The following MCTP1 variants were observed in gnomAD, a reference collection of about 807,000 sequenced individuals.
MCTP1 encodes the protein multiple C2 and transmembrane domain containing 1, also known as multiple C2 and transmembrane domain-containing protein 1.
Under a neutral mutation model 120.6 loss-of-function variants are expected in MCTP1, and 69 were observed. That is an observed-to-expected ratio of 0.57 (90% CI 0.47 to 0.70). The LOEUF is 0.70. Among genes scored for constraint, MCTP1 ranks in the 30% least tolerant of loss-of-function variants. The pLI is 0.00. For missense variants in MCTP1, 1,203 were observed against 1,248.8 expected (o/e 0.96, Z 0.55); for synonymous variants, 529 against 493.1 (o/e 1.07, Z -0.96).
chr5:95,053,590 A>G (rs1746580902), intron 1 of MCTP1, among the ~76,000 whole-genome samples: 1 of 152,214 alleles, frequency 6.6e-6, no homozygotes, highest in Non-Finnish European at 1.5e-5. Flanking sequence ...CAAAGCTCCA[A>G]TCTATATTAT....
chr5:94,920,749 AT>A (rs1216560989), intron 7 of MCTP1, among the ~76,000 whole-genome samples: 2 of 146,332 alleles, frequency 1.4e-5, no homozygotes, highest in African/African-American at 2.5e-5. Context: ...CTCAAAATAA[AT>A]AAATAAATAA....
chr5:94,834,714 G>GCA (rs1789305909), intron 17 of MCTP1, among the ~76,000 whole-genome samples: 1 of 152,050 alleles, frequency 6.6e-6, no homozygotes, highest in African/African-American at 2.4e-5. Context: ...TGGACAGAGT[G>GCA]TGGAGGGTCT....
rs1367777470 is a variant in MCTP1 at position 94,865,658 on chromosome 5, A to G, written c.2436+2675T>C. ...TTTGAAACATTTCATTTTTAAATAT[A>G]TAACTTAATATCTACAAGATGAATA... On this transcript the variant is annotated intron_variant, in intron 17 of 22. Coordinates refer to ENST00000515393, the MANE Select transcript of MCTP1 (RefSeq NM_024717.7). Among the ~76,000 whole-genome samples the G allele has an allele frequency of 2.6e-5, 4 of 152,078 alleles. No homozygotes were observed. The South Asian group carries it at 6.2e-4, about 24-fold the overall frequency.
intron 12 of MCTP1, among the ~76,000 whole-genome samples, chr5:94,875,871 TC>T (rs1798765368): frequency 1.3e-5 from 2 of 152,126 alleles, no homozygotes; most frequent in South Asian, 4.1e-4. Flanking sequence ...TGTTTACTTT[TC>T]TATTCATCTT....
intron 2 of MCTP1, among the ~76,000 whole-genome samples, chr5:94,985,111 C>T (rs1438996227): frequency 6.6e-6 from 1 of 152,104 alleles, no homozygotes; most frequent in Non-Finnish European, 1.5e-5. Context: ...GGAGCAAGTA[C>T]TCGAGAAAAG....
At chr5:95,012,176 T>C (rs1237753509) in intron 2 of MCTP1, among the ~76,000 whole-genome samples, 1 of 152,108 alleles carries the variant, frequency 6.6e-6, no homozygotes, top group East Asian at 1.9e-4. Flanking sequence ...TCTGTATATA[T>C]ATTAATAAAA....
At chr5:94,903,157 A>AT (rs1298153310) in intron 10 of MCTP1, among the ~76,000 whole-genome samples, 7 of 151,992 alleles carry the variant, frequency 4.6e-5, no homozygotes, top group African/African-American at 1.7e-4. Context: ...AGTAAAAAAA[A>AT]ATAGTAAAAT....
At chr5:95,035,183 A>C (rs1482962764) in intron 1 of MCTP1, among the ~76,000 whole-genome samples, 1 of 151,996 alleles carries the variant, frequency 6.6e-6, no homozygotes, top group East Asian at 1.9e-4. Flanking sequence ...AGAACTAAAA[A>C]TAAAGCTTCC....
chr5:94,850,473 A>C (rs2086060655), intron 17 of MCTP1, among the ~76,000 whole-genome samples: 1 of 152,194 alleles, frequency 6.6e-6, no homozygotes, highest in South Asian at 2.1e-4. Flanking sequence ...GCTAAACTGC[A>C]GAATGACATA....
intron 17 of MCTP1, among the ~76,000 whole-genome samples, chr5:94,852,687 C>T (rs1244422252): frequency 6.6e-6 from 1 of 151,868 alleles, no homozygotes; most frequent in African/African-American, 2.4e-5. Flanking sequence ...AGCTTGCAGA[C>T]TATATTTAAC....
At chr5:94,938,160 A>G (rs1319285712) in intron 5 of MCTP1, among the ~76,000 whole-genome samples, 1 of 152,026 alleles carries the variant, frequency 6.6e-6, no homozygotes, top group Non-Finnish European at 1.5e-5. Flanking sequence ...TGTTTTCTAC[A>G]ATGCAGCCAC....
intron 1 of MCTP1, among the ~76,000 whole-genome samples, chr5:95,142,133 G>A (rs372427724): frequency 2.0e-5 from 3 of 152,018 alleles, no homozygotes; most frequent in Admixed American, 1.3e-4. Context: ...TTATATAATT[G>A]TCTAATGTTT....
At chr5:95,217,310 G>A (rs1055253569) in intron 1 of MCTP1, among the ~76,000 whole-genome samples, 20 of 152,036 alleles carry the variant, frequency 1.3e-4, no homozygotes, top group African/African-American at 4.8e-4. Flanking sequence ...TCCCCTAGAG[G>A]ATGTCAAAAA....
At chr5:94,770,382 T>C (rs1045313018) in intron 19 of MCTP1, among the ~76,000 whole-genome samples, 1 of 152,228 alleles carries the variant, frequency 6.6e-6, no homozygotes, top group Non-Finnish European at 1.5e-5. Flanking sequence ...AGAAGTTAAC[T>C]AGCTTTCCAG....
At position 94,867,527 on chromosome 5, in the gene MCTP1, T is replaced by C. The variant is rs1646704222; in HGVS notation, c.2436+806A>G. ...AGTCGTATTCTGCTAAACTGGCAAC[T>C]ATAAGGAAGCATAAGGTACTCATAT... On this transcript the variant is annotated intron_variant, in intron 17 of 22. Transcript: ENST00000515393. 9 of 548,432 alleles carry C rather than the reference T, an allele frequency of 1.6e-5. No homozygotes were observed. In the South Asian group the frequency reaches 2.4e-4, roughly 14 times the overall value. The allele number at this position is 548,432 out of a possible 1,614,324, so 34.0% of individuals were successfully genotyped here.
chr5:94,795,823 C>A (rs1226194422), intron 18 of MCTP1, among the ~76,000 whole-genome samples: 5 of 152,188 alleles, frequency 3.3e-5, no homozygotes, highest in Non-Finnish European at 5.9e-5. Flanking sequence ...ACAGTTTTAA[C>A]CTCAGGAATG....
At chr5:95,021,789 A>T (rs1838240193) in intron 1 of MCTP1, among the ~76,000 whole-genome samples, 1 of 152,028 alleles carries the variant, frequency 6.6e-6, no homozygotes, top group Non-Finnish European at 1.5e-5. Flanking sequence ...TTATTGTGTT[A>T]TCTTCTAAAG....
At chr5:94,875,098 A>T (rs1693061239) in intron 12 of MCTP1, among the ~76,000 whole-genome samples, 1 of 152,208 alleles carries the variant, frequency 6.6e-6, no homozygotes, top group South Asian at 2.1e-4. Context: ...AGAAGAAGAC[A>T]GACAAGAAAT....
chr5:94,934,926 T>C (rs185889055), intron 5 of MCTP1, among the ~76,000 whole-genome samples: 3 of 152,002 alleles, frequency 2.0e-5, no homozygotes, highest in African/African-American at 4.8e-5. Context: ...TGAACTCTGC[T>C]AGAAAAAGAG....
Sources: gnomAD v4.1 joint callset for allele counts (sites outside exome capture counted in the v4.1 genomes callset) on GRCh38, gnomAD v4.1.1 for gene constraint, MANE v1.5 for transcripts, NCBI Gene and HGNC (gene_info 2026-07-23, HGNC 2026-07-21) for gene names.